PTPN11: variants seen among roughly 807,000 people sequenced by gnomAD.
The protein encoded by PTPN11 is protein tyrosine phosphatase non-receptor type 11.
A neutral mutation model predicts 78.8 loss-of-function variants in PTPN11; 6 were observed. The ratio of observed to expected loss-of-function variants is 0.08; its 90% CI spans 0.04 to 0.15. The LOEUF is 0.15. PTPN11 is among the 10% of genes least tolerant of loss of function. The pLI is 1.00. For missense variants in PTPN11, 386 were observed against 744.8 expected, an observed-to-expected ratio of 0.52 and a Z score of 5.61; for synonymous variants, 221 against 263.5, an observed-to-expected ratio of 0.84 and a Z score of 1.56.
At chr12:112,476,690 G>A (rs1433347815) in intron 7 of PTPN11, among the ~76,000 whole-genome samples, 1 of 152,112 alleles carries the variant, frequency 6.6e-6, no homozygotes, top group African/African-American at 2.4e-5. Flanking sequence ...AATTGCTTGA[G>A]CCCAGGAGGC....
intron 10 of PTPN11, among the ~76,000 whole-genome samples, chr12:112,483,677 G>A (rs1488473330): frequency 6.6e-6 from 1 of 152,174 alleles, no homozygotes; most frequent in Admixed American, 6.5e-5. Context: ...CAATTTGGAG[G>A]TAGTGCAGCC....
intron 1 of PTPN11, among the ~76,000 whole-genome samples, chr12:112,436,677 G>T (rs1437542256): frequency 6.6e-6 from 1 of 151,310 alleles, no homozygotes; most frequent in East Asian, 1.9e-4. Context: ...CTGAGCCTTG[G>T]CATTTCATTG....
intron 1 of PTPN11, among the ~76,000 whole-genome samples, chr12:112,435,419 C>T (rs151301431): frequency 6.6e-6 from 1 of 152,176 alleles, no homozygotes; most frequent in East Asian, 1.9e-4. Flanking sequence ...CTTTTAGAAT[C>T]TATTTTAAAA....
chr12:112,460,765 C>A lies in PTPN11; in HGVS notation c.756+4702C>A, dbSNP rs1166838260. Among the ~76,000 whole-genome samples, 3 of 152,160 alleles carry A rather than the reference C, an allele frequency of 2.0e-5. No homozygotes were observed. In the East Asian group the frequency reaches 5.8e-4, roughly 29 times the overall value. On this transcript the variant is annotated intron_variant, in intron 6 of 15. Coordinates refer to ENST00000351677, the MANE Select transcript of PTPN11 (RefSeq NM_002834.5). ...GCTGAGGCAGGAGAATCGCTTGAAC[C>A]CAGAAGGTGGCAGTTGCAGTGAGCC... is the stretch of plus-strand genomic sequence containing the variant.
Position 112,482,639 on chromosome 12 carries a change from C to G in PTPN11, c.1224+434C>G, listed in dbSNP as rs2038614585. 6.6e-6 allele frequency among the ~76,000 whole-genome samples: 1 copy of G among 152,118 alleles called. No homozygotes were observed. The highest frequency in any genetic ancestry group is 2.1e-4 in the South Asian group (1 of 4,826). ...TGTTGATGGCCTCCTCTCCAAGTAT[C>G]CACAGACTTCAGCAGTTGTTCTTTT... On this transcript the variant is annotated intron_variant, in intron 10 of 15. Transcript: ENST00000351677. This position sits in a 1 kb window ranked among gnomAD's most constrained non-coding sequence, Gnocchi z 4.4.
chr12:112,478,085 T>C, intron 9 of PTPN11, 70 bp downstream of exon 9: 1 of 1,549,412 alleles, frequency 6.5e-7, no homozygotes, highest in South Asian at 1.1e-5. Context: ...TGGCCATGTT[T>C]AGGAATTGAA....
chr12:112,419,704 A>G (rs1050349067), intron 1 of PTPN11, among the ~76,000 whole-genome samples: 7 of 152,158 alleles, frequency 4.6e-5, no homozygotes, highest in Non-Finnish European at 8.8e-5. Flanking sequence ...ATCTGCAGCC[A>G]CTAGAAGTAT....
intron 4 of PTPN11, among the ~76,000 whole-genome samples, chr12:112,453,935 ACTGTGC>A (rs2038115922): frequency 6.6e-6 from 1 of 151,942 alleles, no homozygotes; most frequent in Admixed American, 6.6e-5. Flanking sequence ...GATGTGAACT[ACTGTGC>A]CTGATCCAAA....
chr12:112,476,204 C>T (rs2038499942), intron 7 of PTPN11, among the ~76,000 whole-genome samples: 1 of 152,164 alleles, frequency 6.6e-6, no homozygotes, highest in South Asian at 2.1e-4. Flanking sequence ...CAATGGTATG[C>T]AGTATCTAAA....
chr12:112,454,451 GTC>G (rs2038123377), intron 4 of PTPN11, 111 bp from the exon 5 acceptor site: 3 of 833,472 alleles, frequency 3.6e-6, no homozygotes, highest in Non-Finnish European at 6.2e-6. Flanking sequence ...CATTTAAGTT[GTC>G]TCTATATACT....
Position 112,506,708 on chromosome 12 carries a change from G to A in PTPN11, c.*916G>A, listed in dbSNP as rs1246067937. 1 of 152,386 alleles carries A rather than the reference G, an allele frequency of 6.6e-6. No homozygotes were observed. The highest frequency in any genetic ancestry group is 1.9e-4 in the East Asian group (1 of 5,202). 9.4% of individuals were successfully genotyped at this position (152,386 alleles called of 1,614,324 possible). On this transcript the variant is annotated 3_prime_UTR_variant, in exon 16 of 16. Transcript: ENST00000351677. ...TGGGCTGTTCTTCTGCCAGCCTGCA[G>A]GTGGCCACTCATGTGGTCAGCAGGT...
rs2037653807 is a variant in PTPN11 at position 112,428,271 on chromosome 12, C to A, written c.14+9146C>A. 2.0e-5 allele frequency among the ~76,000 whole-genome samples: 3 copies of A among 152,130 alleles called. No individual in the cohort carries two copies. The South Asian group carries it at 6.2e-4, about 32-fold the overall frequency. On this transcript the variant is annotated intron_variant, in intron 1 of 15. Coordinates refer to ENST00000351677, the MANE Select transcript of PTPN11 (RefSeq NM_002834.5). ...GAGGCCATACCGTTTTGCCACTTCC[C>A]CTCCTTCCAGGTTATATGGATGTAC...
intron 1 of PTPN11, among the ~76,000 whole-genome samples, chr12:112,422,981 G>A (rs1397219492): frequency 1.3e-5 from 2 of 152,158 alleles, no homozygotes; most frequent in African/African-American, 2.4e-5. Flanking sequence ...GCCATCCAAC[G>A]CCAATGTTTT....
intron 6 of PTPN11, among the ~76,000 whole-genome samples, chr12:112,471,454 AAGAGAGAGAGAGAGAG>A (rs56070053): frequency 4.0e-5 from 5 of 126,354 alleles, no homozygotes; most frequent in Non-Finnish European, 6.6e-5. Context: ...GATAAACAGA[AAGAGAGAGAGAGAGAG>A]AGAGAGAGAG....
chr12:112,435,016 G>A (rs563220737), intron 1 of PTPN11, among the ~76,000 whole-genome samples: 1 of 151,884 alleles, frequency 6.6e-6, no homozygotes, highest in African/African-American at 2.4e-5. Context: ...GGAACTCCTG[G>A]CCTCAAGTGC....
At chr12:112,434,131 T>A (rs956104373) in intron 1 of PTPN11, among the ~76,000 whole-genome samples, 2 of 151,192 alleles carry the variant, frequency 1.3e-5, no homozygotes, top group East Asian at 3.9e-4. Flanking sequence ...ATAAAAAAAA[T>A]TAGTTGGGCA....
chr12:112,442,859 T>TATATATATATATAAATTATATATACAC (rs2037924677), intron 1 of PTPN11, among the ~76,000 whole-genome samples: 3 of 76,506 alleles, frequency 3.9e-5, no homozygotes, highest in African/African-American at 1.9e-4. Flanking sequence ...TATATATATA[T>TATATATATATATAAATTATATATACAC]ATATATATAT....
chr12:112,429,037 G>A (rs561583445), intron 1 of PTPN11, among the ~76,000 whole-genome samples: 13 of 152,248 alleles, frequency 8.5e-5, no homozygotes, highest in African/African-American at 1.2e-4. Context: ...GTGAGCCACC[G>A]CGTCCGGCCT....
At chr12:112,442,362 A>C (rs2037906892) in intron 1 of PTPN11, among the ~76,000 whole-genome samples, 1 of 152,032 alleles carries the variant, frequency 6.6e-6, no homozygotes, top group East Asian at 1.9e-4. Context: ...ATACTTAAGC[A>C]TCTCTAATCC....
Sources: allele counts gnomAD v4.1 joint callset (sites outside exome capture counted in the v4.1 genomes callset), GRCh38; gene constraint gnomAD v4.1.1; non-coding constraint Gnocchi (gnomAD v3.1); transcripts MANE v1.5; gene names NCBI Gene and HGNC (gene_info 2026-07-23, HGNC 2026-07-21).